PRKCB: variants seen among roughly 807,000 people sequenced by gnomAD.
The protein encoded by PRKCB is protein kinase C beta type.
In PRKCB, 13 loss-of-function variants were observed where a neutral mutation model predicts 81.5. The observed-to-expected ratio is 0.16, with a 90% CI of 0.10 to 0.25. The LOEUF is 0.25. Ranked by LOEUF, PRKCB falls within the 10% of genes least tolerant of loss-of-function variation. The probability of loss-of-function intolerance (pLI) is 1.00; values close to 1 mark genes in which losing one functional copy is unlikely to be tolerated. For synonymous variants in PRKCB, 335 were observed against 321.4 expected (o/e 1.04, Z -0.45); for missense variants, 509 against 875.7 (o/e 0.58, Z 5.29).
chr16:24,215,052 C>A lies in PRKCB; in HGVS notation c.*236C>A, dbSNP rs1968203635. The A allele has an allele frequency of 2.3e-6, 3 of 1,278,316 alleles. No homozygotes were observed. The highest frequency in any genetic ancestry group is 3.0e-6 in the Non-Finnish European group (3 of 1,008,372). 79.2% of individuals were successfully genotyped at this position (1,278,316 alleles called of 1,614,324 possible). On this transcript the variant is annotated 3_prime_UTR_variant, in exon 17 of 17. Coordinates refer to ENST00000643927, the MANE Select transcript of PRKCB (RefSeq NM_002738.7). ...TGCATAATTAACACATTATCAAAGT[C>A]CTCTTACAATTTATTTTCCGCAGCA...
intron 8 of PRKCB, among the ~76,000 whole-genome samples, chr16:24,114,521 A>G (rs1966714746): frequency 6.6e-6 from 1 of 152,092 alleles, no homozygotes; most frequent in Non-Finnish European, 1.5e-5. Context: ...TACCTGAAAT[A>G]AATCCCTTTC....
intron 9 of PRKCB, among the ~76,000 whole-genome samples, chr16:24,126,784 C>G (rs1966845085): frequency 6.6e-6 from 1 of 151,928 alleles, no homozygotes; most frequent in African/African-American, 2.4e-5. Flanking sequence ...GATCCGTTCG[C>G]CTCGGCCTCC....
At chr16:23,911,118 C>T (rs1385798656) in intron 2 of PRKCB, among the ~76,000 whole-genome samples, 3 of 51,120 alleles carry the variant, frequency 5.9e-5, no homozygotes, top group South Asian at 5.7e-4. Flanking sequence ...TAGCCATAAA[C>T]GTATATATGC....
At chr16:24,139,101 C>G (rs1265814489) in intron 9 of PRKCB, among the ~76,000 whole-genome samples, 1 of 152,252 alleles carries the variant, frequency 6.6e-6, no homozygotes, top group East Asian at 1.9e-4. Flanking sequence ...ATCCACCTGT[C>G]TCAGCCTCCC....
intron 7 of PRKCB, among the ~76,000 whole-genome samples, chr16:24,112,436 G>A (rs1966686597): frequency 6.6e-6 from 1 of 152,162 alleles, no homozygotes; most frequent in Admixed American, 6.5e-5. Flanking sequence ...TACTCAGGAA[G>A]CTGAGGCAGG....
In PRKCB at chr16:23,930,602, T is replaced by G. The variant is rs144217258; in HGVS notation, c.206-57906T>G. 5.8e-4 allele frequency among the ~76,000 whole-genome samples: 89 copies of G among 152,174 alleles called. 2 individuals carry two copies. The highest frequency in any genetic ancestry group is 2.0e-3 in the African/African-American group (82 of 41,548). On this transcript the variant is annotated intron_variant, in intron 2 of 16. Coordinates refer to ENST00000643927, the MANE Select transcript of PRKCB (RefSeq NM_002738.7). ...TATGAAGTTGCTCTTTTGAAGAGCA[T>G]TCTAATGACTTATCTGGAGATTCTA...
chr16:24,056,490 A>G (rs1241487082), intron 5 of PRKCB, among the ~76,000 whole-genome samples: 1 of 152,240 alleles, frequency 6.6e-6, no homozygotes, highest in Non-Finnish European at 1.5e-5. Flanking sequence ...TGGATGTTTT[A>G]TCCCCACCAA....
At chr16:23,850,660 C>T (rs72777923) in intron 2 of PRKCB, among the ~76,000 whole-genome samples, 23,454 of 152,184 alleles carry the variant, frequency 0.15, 2,022 homozygotes, top group Admixed American at 0.25. Context: ...CCACCATGCT[C>T]GGTGGTAGTT....
At chr16:24,136,960 C>T (rs952957914) in intron 9 of PRKCB, among the ~76,000 whole-genome samples, 1 of 152,162 alleles carries the variant, frequency 6.6e-6, no homozygotes, top group Non-Finnish European at 1.5e-5. Flanking sequence ...TCACTGCAAC[C>T]TCCACCTCCT....
chr16:24,048,973 T>A (rs1965800456), intron 5 of PRKCB, among the ~76,000 whole-genome samples: 1 of 150,230 alleles, frequency 6.7e-6, no homozygotes. Flanking sequence ...CCTGTTTTGC[T>A]CCTTTGGGAG....
At chr16:24,140,014 A>G (rs939810471) in intron 9 of PRKCB, among the ~76,000 whole-genome samples, 1 of 152,198 alleles carries the variant, frequency 6.6e-6, no homozygotes, top group African/African-American at 2.4e-5. Flanking sequence ...GCCTTCTCCT[A>G]AACAGACTGT....
intron 2 of PRKCB, among the ~76,000 whole-genome samples, chr16:23,916,591 C>G (rs1963744120): frequency 6.6e-6 from 1 of 152,106 alleles, no homozygotes; most frequent in African/African-American, 2.4e-5. Flanking sequence ...ACTAATAATA[C>G]CAATTTATTG....
Position 23,875,751 on chromosome 16 carries a change from C to CATATATATGTATGTATATCACACAT in PRKCB, c.205+38351_205+38352insATGTATGTATATCACACATATATAT, listed in dbSNP as rs773766519. On this transcript the variant is annotated intron_variant, in intron 2 of 16. Coordinates refer to ENST00000643927, the MANE Select transcript of PRKCB (RefSeq NM_002738.7). ...CACATATATATGTATGTATATCACA[C>CATATATATGTATGTATATCACACAT]ATATATGTATGTATATCACACATAT... Among the ~76,000 whole-genome samples the CATATATATGTATGTATATCACACAT allele has an allele frequency of 8.3e-5, 8 of 96,192 alleles. 3 individuals are homozygous for CATATATATGTATGTATATCACACAT. The highest frequency in any genetic ancestry group is 2.8e-4 in the African/African-American group (7 of 24,924). The allele number at this position is 96,192 out of a possible 152,430, so 63.1% of individuals were successfully genotyped here.
intron 10 of PRKCB, among the ~76,000 whole-genome samples, chr16:24,170,093 T>G (rs1014867432): frequency 6.6e-6 from 1 of 152,158 alleles, no homozygotes; most frequent in African/African-American, 2.4e-5. Flanking sequence ...TCTTTTAATA[T>G]TCTATATAAT....
rs138941715 is a variant in PRKCB, at chr16:24,023,786, A to G, written c.289-8350A>G. On this transcript the variant is annotated intron_variant, in intron 3 of 16. Transcript: ENST00000643927. The stretch of plus-strand genomic sequence containing the variant: ...TGGGTCCTCTGGGCCTTTTCCCCCA[A>G]CCTTCCACTTACCCATATCTGCCTC... Among the ~76,000 whole-genome samples, 69 of 152,090 alleles carry G rather than the reference A, an allele frequency of 4.5e-4. 1 individual carries two copies. The East Asian group carries it at 0.011, about 24-fold the overall frequency.
intron 8 of PRKCB, among the ~76,000 whole-genome samples, chr16:24,113,531 TC>T (rs754731865): frequency 7.2e-6 from 1 of 139,812 alleles, no homozygotes; most frequent in Non-Finnish European, 1.5e-5. Flanking sequence ...CCTCCCTCCC[TC>T]CCCCCTTTCC....
intron 4 of PRKCB, among the ~76,000 whole-genome samples, chr16:24,032,628 G>A (rs1215528838): frequency 6.6e-6 from 1 of 152,158 alleles, no homozygotes; most frequent in African/African-American, 2.4e-5. Context: ...CTGGGTGATG[G>A]TGATGACCAG....
At chr16:24,004,780 C>A (rs10492795) in intron 3 of PRKCB, among the ~76,000 whole-genome samples, 5,288 of 152,250 alleles carry the variant, frequency 0.035, 159 homozygotes, top group Non-Finnish European at 0.054. Context: ...ATATCCAGAG[C>A]TTTAAACACA....
Position 24,215,016 on chromosome 16 carries a change from GA to G in PRKCB, c.*204del, listed in dbSNP as rs1338237877. 136 of 1,366,942 alleles carry G rather than the reference GA, an allele frequency of 9.9e-5. No homozygotes were observed. The highest frequency in any genetic ancestry group is 1.3e-4 in the Non-Finnish European group (135 of 1,060,666). The allele number at this position is 1,366,942 out of a possible 1,614,324, so 84.7% of individuals were successfully genotyped here. ...GATGGGATTATGCAGATGGCCTATG[GA>G]AAATGCAGCTGCATAATTAACACAT... On this transcript the variant is annotated 3_prime_UTR_variant, in exon 17 of 17. Coordinates refer to ENST00000643927, the MANE Select transcript of PRKCB (RefSeq NM_002738.7).
Sources: gnomAD v4.1 joint callset for allele counts (sites outside exome capture counted in the v4.1 genomes callset) on GRCh38, gnomAD v4.1.1 for gene constraint, MANE v1.5 for transcripts, NCBI Gene and HGNC (gene_info 2026-07-23, HGNC 2026-07-21) for gene names.